The following MYO1H variants were observed in gnomAD, a reference collection of about 807,000 sequenced individuals.
MYO1H encodes the protein myosin IH.
Under a neutral mutation model 149.3 loss-of-function variants are expected in MYO1H, and 118 were observed. The ratio of observed to expected loss-of-function variants is 0.79; its 90% CI spans 0.68 to 0.92. The LOEUF (loss-of-function observed/expected upper bound fraction) is 0.92. Ranked by LOEUF, MYO1H falls within the 40% of genes least tolerant of loss-of-function variation. The pLI, the probability that MYO1H is intolerant of heterozygous loss-of-function variation, is 0.00. For missense variants in MYO1H, 1,212 were observed against 1,280.7 expected (o/e 0.95, Z 0.82); for synonymous variants, 447 against 465.2 (o/e 0.96, Z 0.50).
intron 27 of MYO1H, among the ~76,000 whole-genome samples, chr12:109,443,262 GTATATGTGTGTGTATATGTGTACGTA>G (rs1241660588): frequency 0.071 from 4,941 of 69,320 alleles, 1,012 homozygotes; most frequent in Non-Finnish European, 0.081. Flanking sequence ...ATATGTGTAC[GTATATGTGTGTGTATATGTGTACGTA>G]TATATGTGTG....
chr12:109,407,790 T>C lies in MYO1H; in HGVS notation c.1036-4T>C, dbSNP rs116411240. 1,332 of 1,613,724 alleles carry C rather than the reference T, an allele frequency of 8.3e-4. 4 individuals carry two copies. The African/African-American group carries it at 0.016, about 19-fold the overall frequency. ...ATAATGATGCACCTTGTCATTCTTTTCAGGTGATCTGCCCGTTGACACTAG... is the reference window on the plus strand; with the variant it reads ...ATAATGATGCACCTTGTCATTCTTTCCAGGTGATCTGCCCGTTGACACTAG... On this transcript the variant is annotated splice_polypyrimidine_tract_variant and splice_region_variant and intron_variant, in intron 9 of 31. Coordinates refer to ENST00000310903, the Ensembl canonical transcript of MYO1H.
At chr12:109,441,939 C>T (rs139086943) in intron 26 of MYO1H, among the ~76,000 whole-genome samples, 4,449 of 152,078 alleles carry the variant, frequency 0.029, 99 homozygotes, top group South Asian at 0.072. Context: ...CCCAACTACT[C>T]GGGAGGCAGA....
At chr12:109,312,769 G>A in the MYO1H span, among the ~76,000 whole-genome samples, 1 of 140,006 alleles carries the variant, frequency 7.1e-6, no homozygotes, top group African/African-American at 2.8e-5. Context: ...GGTTTTTTTT[G>A]TTTGTTTTTT....
intron 5 of MYO1H, among the ~76,000 whole-genome samples, chr12:109,398,897 C>T (rs887964061): frequency 1.3e-5 from 2 of 152,106 alleles, no homozygotes; most frequent in Non-Finnish European, 2.9e-5. Context: ...CGCAATGACC[C>T]AAGTCCAGTC....
intron 4 of MYO1H, among the ~76,000 whole-genome samples, chr12:109,397,269 T>C (rs542013516): frequency 6.6e-6 from 1 of 152,342 alleles, no homozygotes; most frequent in East Asian, 1.9e-4. Flanking sequence ...ACTTCCACTA[T>C]TGCAATTCAC....
intron 27 of MYO1H, among the ~76,000 whole-genome samples, chr12:109,442,605 T>A (rs1872189667): frequency 6.6e-6 from 1 of 152,144 alleles, no homozygotes; most frequent in African/African-American, 2.4e-5. Context: ...GCACTGACAC[T>A]TGCTTTGAAC....
chr12:109,443,521 T>A (rs1446195823), exon 28 of MYO1H: 11 of 1,613,654 alleles, frequency 6.8e-6, no homozygotes, highest in Non-Finnish European at 9.3e-6. Flanking sequence ...CAGTATGGTG[T>A]CCCGGTCATT....
rs764435235 is a variant in MYO1H, at chr12:109,440,812, T to A, written c.2523T>A (p.Ala841=). ...AGAAGTACTGCCGCGGGATCACAGC[T>A]GAGCGGAAAGCAATGGTAGGGACAT... Residue 841 remains alanine (A), a synonymous_variant, in exon 25 of 32, where the codon GCT becomes GCA. Transcript: ENST00000310903. 13 of 1,560,988 alleles carry A rather than the reference T, an allele frequency of 8.3e-6. No homozygotes were observed. The South Asian group carries it at 1.5e-4, about 18-fold the overall frequency.
chr12:109,410,869 C>T (rs1341239364), intron 13 of MYO1H, 101 bp downstream of exon 13: 10 of 760,986 alleles, frequency 1.3e-5, no homozygotes, highest in South Asian at 8.1e-5. Context: ...AGGCCAGGCA[C>T]GGTGGCTCAC....
intron 16 of MYO1H, 121 bp from the exon 17 acceptor site, chr12:109,424,627 T>C (rs905514557): frequency 5.9e-6 from 4 of 673,076 alleles, no homozygotes; most frequent in Non-Finnish European, 1.0e-5. Flanking sequence ...ATTAGGAACA[T>C]CTTCAAGCAT....
At chr12:109,407,995 G>A (rs750381060) in intron 10 of MYO1H, 82 bp downstream of exon 10, 1 of 1,587,278 alleles carries the variant, frequency 6.3e-7, no homozygotes, top group Non-Finnish European at 8.6e-7. Context: ...GAATTTGGGA[G>A]GGAGAATGAA....
chr12:109,363,598 G>C (rs1337546953), intron 1 of MYO1H, among the ~76,000 whole-genome samples: 1 of 152,112 alleles, frequency 6.6e-6, no homozygotes, highest in Non-Finnish European at 1.5e-5. Context: ...TGTAATCCCA[G>C]CTACTTGGGA....
intron 1 of MYO1H, among the ~76,000 whole-genome samples, chr12:109,363,704 C>T (rs1478795176): frequency 1.3e-5 from 2 of 151,656 alleles, no homozygotes; most frequent in African/African-American, 2.4e-5. Context: ...AAGAGAGAAA[C>T]TCCGTCTCAA....
At chr12:109,412,448 G>A (rs1341261599) in intron 14 of MYO1H, among the ~76,000 whole-genome samples, 3 of 152,102 alleles carry the variant, frequency 2.0e-5, no homozygotes, top group East Asian at 3.9e-4. Context: ...GTGAGCCATC[G>A]TGCCCAGACA....
intron 16 of MYO1H, among the ~76,000 whole-genome samples, chr12:109,423,441 C>T (rs1056740300): frequency 1.4e-4 from 22 of 152,172 alleles, no homozygotes; most frequent in South Asian, 4.1e-4. Context: ...GGATTACAGG[C>T]GTGAGCGACC....
At chr12:109,323,094 G>A in the MYO1H span, among the ~76,000 whole-genome samples, 2 of 152,142 alleles carry the variant, frequency 1.3e-5, no homozygotes, top group East Asian at 3.8e-4. Context: ...GCGACAGAGT[G>A]AGACTGTCTC....
intron 3 of MYO1H, among the ~76,000 whole-genome samples, chr12:109,395,012 C>G (rs1869829244): frequency 6.6e-6 from 1 of 152,160 alleles, no homozygotes; most frequent in African/African-American, 2.4e-5. Flanking sequence ...ATCTGCCTGC[C>G]TCAGCCTCCG....
chr12:109,401,906 ATTTTTGTAG>A (rs1483465574), intron 6 of MYO1H, among the ~76,000 whole-genome samples: 4 of 151,892 alleles, frequency 2.6e-5, no homozygotes, highest in African/African-American at 7.3e-5. Flanking sequence ...TGCCTCGCTA[ATTTTTGTAG>A]TTTTTGTAGA....
At chr12:109,392,813 A>T (rs1487880116) in intron 2 of MYO1H, among the ~76,000 whole-genome samples, 2 of 150,850 alleles carry the variant, frequency 1.3e-5, no homozygotes, top group Non-Finnish European at 3.0e-5. Context: ...TTATTTATTT[A>T]TTTAGTTAGT....
Sources: allele counts gnomAD v4.1 joint callset (sites outside exome capture counted in the v4.1 genomes callset), GRCh38; gene constraint gnomAD v4.1.1; transcripts MANE v1.5; gene names NCBI Gene and HGNC (gene_info 2026-07-23, HGNC 2026-07-21).